The following GAS7 variants were observed in gnomAD, a reference collection of about 807,000 sequenced individuals.
The protein encoded by GAS7 is growth arrest specific 7, also known as growth arrest-specific protein 7.
A neutral mutation model predicts 71.1 loss-of-function variants in GAS7; 28 were observed. That is an observed-to-expected ratio of 0.39 (90% CI 0.29 to 0.54). GAS7 has a LOEUF of 0.54. Among genes scored for constraint, GAS7 ranks in the 20% least tolerant of loss-of-function variants. GAS7 has a pLI of 0.62. For missense variants in GAS7, 436 were observed against 627.8 expected, an observed-to-expected ratio of 0.69 and a Z score of 3.27; for synonymous variants, 258 against 245.8, an observed-to-expected ratio of 1.05 and a Z score of -0.46.
intron 1 of GAS7, among the ~76,000 whole-genome samples, chr17:10,111,423 C>T (rs1010059201): frequency 2.0e-5 from 3 of 152,082 alleles, no homozygotes; most frequent in African/African-American, 7.2e-5. Context: ...GTCTCAGCTA[C>T]TTGGGAGGCT....
At chr17:10,130,882 G>C (rs926180165) in intron 1 of GAS7, among the ~76,000 whole-genome samples, 1 of 152,216 alleles carries the variant, frequency 6.6e-6, no homozygotes, top group Non-Finnish European at 1.5e-5. Context: ...CTGCTAATGG[G>C]AATGGCATTG....
intron 1 of GAS7, among the ~76,000 whole-genome samples, chr17:10,159,971 G>T (rs11659002): frequency 0.22 from 33,180 of 151,498 alleles, 4,330 homozygotes; most frequent in African/African-American, 0.36. Flanking sequence ...TAGAGACAGG[G>T]TTTCCCCATA....
At chr17:10,036,883 G>C (rs1172088951) in intron 1 of GAS7, 1 of 268,502 alleles carries the variant, frequency 3.7e-6, no homozygotes, top group African/African-American at 2.3e-5. Context: ...CTGTGGACAA[G>C]GGCAGCTTTG....
intron 1 of GAS7, among the ~76,000 whole-genome samples, chr17:10,116,335 T>C (rs1432016987): frequency 6.6e-6 from 1 of 150,504 alleles, no homozygotes; most frequent in East Asian, 1.9e-4. Context: ...AAATGTTGGG[T>C]TTAGAGATCA....
chr17:10,053,291 A>G (rs760731944), intron 1 of GAS7, among the ~76,000 whole-genome samples: 13 of 152,202 alleles, frequency 8.5e-5, no homozygotes, highest in Non-Finnish European at 1.6e-4. Context: ...CATTTGGAAA[A>G]GACGTGGTTT....
chr17:10,073,825 T>C (rs2073365213), intron 1 of GAS7, among the ~76,000 whole-genome samples: 1 of 152,218 alleles, frequency 6.6e-6, no homozygotes. Context: ...AGGCTGCAGC[T>C]ACTTCCTCAG....
chr17:9,995,656 C>A (rs1335400556), intron 2 of GAS7, among the ~76,000 whole-genome samples: 1 of 152,092 alleles, frequency 6.6e-6, no homozygotes, highest in African/African-American at 2.4e-5. Flanking sequence ...GACTGATAAC[C>A]CCTATCTAAC....
Position 10,000,112 on chromosome 17 carries a change from G to A in GAS7, c.305-18228C>T, listed in dbSNP as rs552044723. On this transcript the variant is annotated intron_variant, in intron 2 of 13. Transcript: ENST00000432992. Reference sequence around the variant, plus strand: ...GACTTGGTCTGTTTCATACTGAGATGGTCAGTTTCAAGCCAGTCCTATGAT... The same window carrying A: ...GACTTGGTCTGTTTCATACTGAGATAGTCAGTTTCAAGCCAGTCCTATGAT... Among the ~76,000 whole-genome samples the A allele has an allele frequency of 5.3e-5, 8 of 152,268 alleles. No homozygotes were observed. In the South Asian group the frequency reaches 1.5e-3, roughly 28 times the overall value.
chr17:10,167,319 G>A (rs1454523171), intron 1 of GAS7, among the ~76,000 whole-genome samples: 4 of 152,068 alleles, frequency 2.6e-5, no homozygotes, highest in Non-Finnish European at 4.4e-5. Context: ...CCAGAGTGCT[G>A]GGATTACAGG....
intron 8 of GAS7, among the ~76,000 whole-genome samples, chr17:9,938,953 C>T (rs2152088850): frequency 6.6e-6 from 1 of 152,288 alleles, no homozygotes; most frequent in East Asian, 1.9e-4. Flanking sequence ...TATTAGTGTT[C>T]CATTCCTTTT....
chr17:9,911,241 A>T lies in GAS7; in HGVS notation c.*5987T>A, dbSNP rs1387912830. ...CCCCACTTGACAGATGAGTGCACGG[A>T]GGTCCCGACAGGGGATGTGACTTAA... is the stretch of plus-strand genomic sequence containing the variant. On this transcript the variant is annotated 3_prime_UTR_variant, in exon 14 of 14. Coordinates refer to ENST00000432992, the MANE Select transcript of GAS7 (RefSeq NM_201433.2). The surrounding 1 kb of genome is among the most constrained non-coding windows in gnomAD (Gnocchi z 4.0). 1 of 233,284 alleles carries T rather than the reference A, an allele frequency of 4.3e-6. No homozygotes were observed. The highest frequency in any genetic ancestry group is 5.6e-5 in the Admixed American group (1 of 17,772). 14.5% of individuals were successfully genotyped at this position (233,284 alleles called of 1,614,324 possible).
chr17:10,000,248 T>C (rs951748053), intron 2 of GAS7, among the ~76,000 whole-genome samples: 3 of 152,174 alleles, frequency 2.0e-5, no homozygotes, highest in Non-Finnish European at 2.9e-5. Context: ...GCCTGAGAAA[T>C]TGCACATCTA....
At chr17:10,020,633 C>T (rs2072230826) in intron 1 of GAS7, among the ~76,000 whole-genome samples, 3 of 152,060 alleles carry the variant, frequency 2.0e-5, no homozygotes, top group Admixed American at 6.5e-5. Flanking sequence ...CAACCATGGC[C>T]GGGCGCAGTG....
intron 1 of GAS7, among the ~76,000 whole-genome samples, chr17:10,067,283 T>C (rs8077380): frequency 0.48 from 73,249 of 151,964 alleles, 18,096 homozygotes; most frequent in Non-Finnish European, 0.54. Context: ...CTCGCTCTGT[T>C]GCCCAGGCTG....
intron 2 of GAS7, among the ~76,000 whole-genome samples, chr17:9,997,281 T>C (rs1311570310): frequency 6.6e-6 from 1 of 152,024 alleles, no homozygotes; most frequent in Admixed American, 6.5e-5. Context: ...TCCATAAGAC[T>C]GCTAGAAGAA....
chr17:10,124,201 T>C (rs1478417894), intron 1 of GAS7, among the ~76,000 whole-genome samples: 1 of 152,182 alleles, frequency 6.6e-6, no homozygotes, highest in African/African-American at 2.4e-5. Context: ...TGGCGGGGCC[T>C]TGCACTCAAC....
chr17:10,127,137 A>G (rs1567602712), intron 1 of GAS7, among the ~76,000 whole-genome samples: 1 of 152,202 alleles, frequency 6.6e-6, no homozygotes, highest in Non-Finnish European at 1.5e-5. Context: ...TGTGTTCCCA[A>G]TGACTGGCTG....
chr17:10,073,633 C>T (rs73273827), intron 1 of GAS7, among the ~76,000 whole-genome samples: 1,843 of 152,272 alleles, frequency 0.012, 28 homozygotes, highest in African/African-American at 0.041. Flanking sequence ...GTGAATCGTG[C>T]GCACATTAAC....
intron 9 of GAS7, among the ~76,000 whole-genome samples, chr17:9,932,854 A>C (rs1036062568): frequency 1.3e-5 from 2 of 152,272 alleles, no homozygotes; most frequent in Admixed American, 6.5e-5. Flanking sequence ...TCCTGGCACT[A>C]GTATCTTCAG....
Sources: gnomAD v4.1 joint callset for allele counts (sites outside exome capture counted in the v4.1 genomes callset) on GRCh38, gnomAD v4.1.1 for gene constraint, Gnocchi (gnomAD v3.1) non-coding constraint, MANE v1.5 for transcripts, NCBI Gene and HGNC (gene_info 2026-07-23, HGNC 2026-07-21) for gene names.